LIMS1: variants seen among roughly 807,000 people sequenced by gnomAD.
LIMS1 encodes LIM zinc finger domain containing 1.
Under a neutral mutation model 44.1 loss-of-function variants are expected in LIMS1, and 18 were observed. That is an observed-to-expected ratio of 0.41 (90% confidence interval 0.28 to 0.61). The LOEUF (loss-of-function observed/expected upper bound fraction) is 0.61. LIMS1 is among the 20% of genes least tolerant of loss of function. LIMS1 has a pLI of 0.32. For synonymous variants in LIMS1, 93 were observed against 149.1 expected (o/e 0.62, Z 2.74); for missense variants, 201 against 422.0 (o/e 0.48, Z 4.59).
At chr2:108,597,431 A>G (rs1465233172) in intron 1 of LIMS1, among the ~76,000 whole-genome samples, 3 of 152,198 alleles carry the variant, frequency 2.0e-5, no homozygotes, top group African/African-American at 7.2e-5. Context: ...AAGAGTTAAA[A>G]TGTTGTGAAT....
At chr2:108,581,718 A>G (rs1036409204) in intron 1 of LIMS1, among the ~76,000 whole-genome samples, 1 of 152,092 alleles carries the variant, frequency 6.6e-6, no homozygotes, top group Non-Finnish European at 1.5e-5. Flanking sequence ...CAGGCAGATC[A>G]CCTGAGGTCA....
At chr2:108,673,277 T>C (rs146737644) in intron 5 of LIMS1, 117 of 594,754 alleles carry the variant, frequency 2.0e-4, no homozygotes, top group African/African-American at 1.7e-3. Context: ...CTCCTATGTA[T>C]GTGTGCACGT....
At chr2:108,550,219 G>A (rs180929907) in intron 1 of LIMS1, among the ~76,000 whole-genome samples, 4 of 152,202 alleles carry the variant, frequency 2.6e-5, no homozygotes, top group African/African-American at 9.6e-5. Context: ...CAGCTGGCTG[G>A]GCGCGGTGGC....
At chr2:108,675,519 G>C (rs1189092463) in intron 5 of LIMS1, among the ~76,000 whole-genome samples, 2 of 152,206 alleles carry the variant, frequency 1.3e-5, no homozygotes, top group African/African-American at 4.8e-5. Flanking sequence ...ATAGCAGATA[G>C]TATTACTGAG....
At position 108,635,429 on chromosome 2, in the gene LIMS1, TAAAA is replaced by T. The variant is rs70956264; in HGVS notation, c.33-24158_33-24155del. 3.8e-4 allele frequency among the ~76,000 whole-genome samples: 33 copies of T among 86,698 alleles called. No individual in the cohort carries two copies. In the South Asian group the frequency reaches 0.011, roughly 28 times the overall value. The allele number at this position is 86,698 out of a possible 152,430, so 56.9% of individuals were successfully genotyped here. On this transcript the variant is annotated intron_variant, in intron 1 of 9. Coordinates refer to ENST00000544547, the Ensembl canonical transcript of LIMS1. ...GGGGGAAAGAGCAAGACTTCATCTCTAAAAAAAAAAAAAAAAAAAAAGAATGGTT... is the reference window on the plus strand; with the variant it reads ...GGGGGAAAGAGCAAGACTTCATCTCTAAAAAAAAAAAAAAAAAGAATGGTT...
At position 108,681,113 on chromosome 2, in the gene LIMS1, G is replaced by T. The variant is rs975029208; in HGVS notation, c.899+343G>T. ...AGAAAAAGAAAAAGCCAGTCTGTTTGTAAACTTTTCTATCCCTGTGTCATC... is the reference window on the plus strand; with the variant it reads ...AGAAAAAGAAAAAGCCAGTCTGTTTTTAAACTTTTCTATCCCTGTGTCATC... On this transcript the variant is annotated intron_variant, in intron 9 of 9. Coordinates refer to ENST00000544547, the Ensembl canonical transcript of LIMS1. 3.1e-6 allele frequency: 4 copies of T among 1,276,110 alleles called. No homozygotes were observed. In the African/African-American group the frequency reaches 4.6e-5, roughly 15 times the overall value. 79.0% of individuals were successfully genotyped at this position (1,276,110 alleles called of 1,614,324 possible). A position where few individuals can be genotyped will look rare whatever the true frequency, so the allele number is the denominator to read the frequency against.
At chr2:108,534,572 G>T (rs1684049596) in exon 1 of LIMS1, 3 of 1,191,778 alleles carry the variant, frequency 2.5e-6, no homozygotes, top group Non-Finnish European at 3.1e-6. Context: ...GATGCTGGGC[G>T]TGGCGGCCGG....
chr2:108,547,041 T>C (rs779746177), intron 1 of LIMS1, among the ~76,000 whole-genome samples: 56 of 152,196 alleles, frequency 3.7e-4, no homozygotes, highest in Non-Finnish European at 7.1e-4. Flanking sequence ...ATGGAGTTCA[T>C]TGGGGGAGTT....
intron 1 of LIMS1, among the ~76,000 whole-genome samples, chr2:108,640,919 C>G (rs368348798): frequency 7.9e-5 from 12 of 152,192 alleles, no homozygotes; most frequent in African/African-American, 2.9e-4. Context: ...GTCCCTTAAC[C>G]TCTCCCTCTC....
intron 1 of LIMS1, among the ~76,000 whole-genome samples, chr2:108,582,350 G>T (rs1170658676): frequency 6.6e-6 from 1 of 152,254 alleles, no homozygotes; most frequent in East Asian, 1.9e-4. Flanking sequence ...ATGTCATGAA[G>T]TATGCATCCA....
intron 8 of LIMS1, among the ~76,000 whole-genome samples, chr2:108,679,216 C>T (rs1349927161): frequency 6.6e-5 from 10 of 151,642 alleles, no homozygotes; most frequent in African/African-American, 2.4e-4. Flanking sequence ...CAGTGGCTCA[C>T]GCCTGTGATC....
At chr2:108,629,835 T>C (rs1399994481) in intron 1 of LIMS1, among the ~76,000 whole-genome samples, 1 of 152,206 alleles carries the variant, frequency 6.6e-6, no homozygotes, top group Non-Finnish European at 1.5e-5. Context: ...ATTCCTTTCC[T>C]GAGGTCCTTC....
chr2:108,592,399 G>C (rs1438044503), intron 1 of LIMS1, among the ~76,000 whole-genome samples: 1 of 152,126 alleles, frequency 6.6e-6, no homozygotes, highest in Non-Finnish European at 1.5e-5. Flanking sequence ...TACTTTATCA[G>C]CCCAGATGGG....
chr2:108,640,000 C>T (rs943796420), intron 1 of LIMS1, among the ~76,000 whole-genome samples: 23 of 152,178 alleles, frequency 1.5e-4, no homozygotes, highest in Non-Finnish European at 7.3e-5. Context: ...ATTGTTCAGT[C>T]ATTTGTTAGT....
intron 2 of LIMS1, among the ~76,000 whole-genome samples, chr2:108,664,266 G>T (rs1432186052): frequency 6.6e-6 from 1 of 152,178 alleles, no homozygotes; most frequent in Non-Finnish European, 1.5e-5. Context: ...CTTTGCACTT[G>T]ACTGGAAATG....
intron 2 of LIMS1, chr2:108,660,075 C>A (rs1235709516): frequency 1.1e-5 from 5 of 454,980 alleles, no homozygotes; most frequent in South Asian, 3.8e-5. Flanking sequence ...ATAGAAAATT[C>A]TTTCTGAGTC....
chr2:108,572,739 G>A (rs563545301), intron 1 of LIMS1, among the ~76,000 whole-genome samples: 5 of 152,118 alleles, frequency 3.3e-5, no homozygotes, highest in Non-Finnish European at 7.3e-5. Context: ...AGGTGTAGGG[G>A]ACGGTAGGCA....
At chr2:108,673,098 G>T in intron 5 of LIMS1, 69 bp downstream of exon 5, 1 of 1,351,864 alleles carries the variant, frequency 7.4e-7, no homozygotes, top group Non-Finnish European at 1.0e-6. Context: ...CTATATTTCT[G>T]TTACTCTAGC....
At chr2:108,571,731 G>A (rs147203538) in intron 1 of LIMS1, among the ~76,000 whole-genome samples, 6 of 152,248 alleles carry the variant, frequency 3.9e-5, no homozygotes, top group African/African-American at 7.2e-5. Context: ...CTTTTCTTTC[G>A]TTGAAGACTA....
Sources: allele counts gnomAD v4.1 joint callset (sites outside exome capture counted in the v4.1 genomes callset), GRCh38; gene constraint gnomAD v4.1.1; transcripts MANE v1.5; gene names NCBI Gene and HGNC (gene_info 2026-07-23, HGNC 2026-07-21).